The following ADGRG2 variants were observed in gnomAD, a reference collection of about 807,000 sequenced individuals.
The protein encoded by ADGRG2 is adhesion G protein-coupled receptor G2, also known as G protein-coupled receptor 64.
ADGRG2 carries 26 observed loss-of-function variants against 74.1 expected under a neutral mutation model. That is an observed-to-expected ratio of 0.35 (90% CI 0.26 to 0.49). ADGRG2 has a LOEUF of 0.49. ADGRG2 is among the 20% of genes least tolerant of loss of function. The pLI is 0.99. For missense variants in ADGRG2, 619 were observed against 763.1 expected (o/e 0.81, Z 2.22); for synonymous variants, 296 against 295.2 (o/e 1.00, Z -0.03).
intron 2 of ADGRG2, among the ~76,000 whole-genome samples, chrX:19,078,788 CAT>C (rs2061797215): frequency 9.4e-6 from 1 of 106,340 alleles, no homozygotes; most frequent in Admixed American, 1.0e-4. Context: ...AAAAAAAAAG[CAT>C]ATAATAAAAA....
At chrX:19,037,416 A>G in intron 6 of ADGRG2, 51 bp downstream of exon 6, 1 of 855,135 alleles carries the variant, frequency 1.2e-6, no homozygotes, top group Non-Finnish European at 1.7e-6. Flanking sequence ...CATTATACTT[A>G]TATTCATATT....
At chrX:19,021,644 C>CT (rs1189971728) in intron 13 of ADGRG2, among the ~76,000 whole-genome samples, 1 of 110,699 alleles carries the variant, frequency 9.0e-6, no homozygotes, top group Non-Finnish European at 1.9e-5. Flanking sequence ...ACATCAAGAT[C>CT]TTTTTTTCTT....
intron 1 of ADGRG2, among the ~76,000 whole-genome samples, chrX:19,119,030 G>T (rs1447938980): frequency 8.9e-6 from 1 of 111,942 alleles, no homozygotes; most frequent in Non-Finnish European, 1.9e-5. Context: ...GTTGCCAGGG[G>T]CTGAGAGTTG....
At chrX:19,059,482 G>A (rs1037046894) in intron 3 of ADGRG2, among the ~76,000 whole-genome samples, 4 of 111,487 alleles carry the variant, frequency 3.6e-5, no homozygotes, top group African/African-American at 1.3e-4. Context: ...AGGGGACACC[G>A]TGAGATGATG....
chrX:19,006,131 TC>T (rs1241388961), intron 21 of ADGRG2, 26 bp from the exon 22 acceptor site: 1 of 1,140,089 alleles, frequency 8.8e-7, no homozygotes, highest in Admixed American at 2.2e-5. Flanking sequence ...AGAACATCTG[TC>T]CCATCAGCAA....
chrX:19,091,477 A>T (rs963385918), intron 1 of ADGRG2, among the ~76,000 whole-genome samples: 22 of 95,616 alleles, frequency 2.3e-4, no homozygotes, highest in Admixed American at 1.2e-3. Context: ...AGAAATGGAG[A>T]CTACAGATTT....
At chrX:19,104,898 T>C (rs977174842) in intron 1 of ADGRG2, among the ~76,000 whole-genome samples, 10 of 75,229 alleles carry the variant, frequency 1.3e-4, no homozygotes, top group African/African-American at 4.1e-4. Flanking sequence ...GTCTAGGTGA[T>C]AGAGCGAGAC....
At chrX:19,022,581 G>A (rs761578585) in intron 13 of ADGRG2, among the ~76,000 whole-genome samples, 16 of 112,006 alleles carry the variant, frequency 1.4e-4, no homozygotes, top group Non-Finnish European at 2.3e-4. Flanking sequence ...ACACAGCCAG[G>A]ATAGCCAATG....
chrX:19,021,340 A>C, intron 13 of ADGRG2, 142 bp from the exon 14 acceptor site: 1 of 508,684 alleles, frequency 2.0e-6, no homozygotes, highest in Non-Finnish European at 3.5e-6. Flanking sequence ...AAGCTTGTAA[A>C]TACCCATTTA....
chrX:19,100,026 CCT>C (rs1248469034), intron 1 of ADGRG2, among the ~76,000 whole-genome samples: 2 of 111,041 alleles, frequency 1.8e-5, no homozygotes, highest in Admixed American at 1.9e-4. Flanking sequence ...AGAGCAAGAC[CCT>C]GTCTCAAAAA....
intron 2 of ADGRG2, among the ~76,000 whole-genome samples, chrX:19,070,020 G>A (rs907768645): frequency 8.9e-6 from 1 of 111,948 alleles, no homozygotes; most frequent in African/African-American, 3.2e-5. Context: ...ACCTGTAGAC[G>A]CTGCTGTGGG....
chrX:19,093,902 T>TACACACACACACAC (rs61296210), intron 1 of ADGRG2, among the ~76,000 whole-genome samples: 3 of 100,166 alleles, frequency 3.0e-5, no homozygotes, highest in African/African-American at 1.1e-4. Flanking sequence ...TATGTAGGTA[T>TACACACACACACAC]ACACACACAC....
At chrX:19,079,617 T>C (rs2061809488) in intron 2 of ADGRG2, among the ~76,000 whole-genome samples, 1 of 112,204 alleles carries the variant, frequency 8.9e-6, no homozygotes, top group Admixed American at 9.5e-5. Context: ...CAGCCTTGTA[T>C]GTTGTTTGTC....
intron 2 of ADGRG2, among the ~76,000 whole-genome samples, chrX:19,070,678 A>C (rs901999760): frequency 1.8e-5 from 2 of 112,178 alleles, no homozygotes; most frequent in Admixed American, 9.4e-5. Flanking sequence ...CAGCTAGCAG[A>C]GCTCTCGGCC....
At chrX:19,080,058 T>G (rs760401486) in intron 2 of ADGRG2, among the ~76,000 whole-genome samples, 4 of 109,703 alleles carry the variant, frequency 3.6e-5, no homozygotes, top group Non-Finnish European at 7.6e-5. Flanking sequence ...TACAGGCGCC[T>G]GCCACCACAC....
intron 1 of ADGRG2, among the ~76,000 whole-genome samples, chrX:19,108,643 T>C: frequency 9.0e-6 from 1 of 111,452 alleles, no homozygotes; most frequent in Non-Finnish European, 1.9e-5. Flanking sequence ...TCACAAACAA[T>C]ACTGAGCAGA....
In ADGRG2 at chrX:19,104,055, G is replaced by A. The variant is rs770308015; in HGVS notation, c.-47+18387C>T. ...TCTGGGGAAGAAGGCAGGAGGAGGA[G>A]AAAGCTGAGGACATGGCTAAGAGGA... is the stretch of plus-strand genomic sequence containing the variant. On this transcript the variant is annotated intron_variant, in intron 1 of 28. Coordinates refer to ENST00000379869, the MANE Select transcript of ADGRG2 (RefSeq NM_001079858.3). Among the ~76,000 whole-genome samples, 166 of 111,650 alleles carry A rather than the reference G, an allele frequency of 1.5e-3. 1 individual carries two copies. Among genetic ancestry groups the A allele is most frequent in the African/African-American group, 5.1e-3 (156 of 30,744 alleles).
chrX:19,054,106 C>A (rs189494910), intron 3 of ADGRG2, among the ~76,000 whole-genome samples: 223 of 112,032 alleles, frequency 2.0e-3, no homozygotes, highest in Non-Finnish European at 3.5e-3. Flanking sequence ...CTATTCTTCA[C>A]TTTCCCAGTG....
Position 19,047,919 on chromosome X carries a change from A to G in ADGRG2, c.119-7695T>C, listed in dbSNP as rs779331571. ...GGGACACTGCTCAATAAGTACTCTT[A>G]CATAATGTATTTATTAAATGATTAA... On this transcript the variant is annotated intron_variant, in intron 3 of 28. Transcript: ENST00000379869. Among the ~76,000 whole-genome samples the G allele has an allele frequency of 3.6e-5, 4 of 111,857 alleles. No individual in the cohort carries two copies. The South Asian group carries it at 1.5e-3, about 43-fold the overall frequency.
Sources: gnomAD v4.1 joint callset for allele counts (sites outside exome capture counted in the v4.1 genomes callset) on GRCh38, gnomAD v4.1.1 for gene constraint, MANE v1.5 for transcripts, NCBI Gene and HGNC (gene_info 2026-07-23, HGNC 2026-07-21) for gene names.